Variants in IL9R observed in about 807,000 individuals in gnomAD.
The protein encoded by IL9R is interleukin 9 receptor, also known as interleukin-9 receptor.
A neutral mutation model predicts 56.3 loss-of-function variants in IL9R; 54 were observed. The ratio of observed to expected loss-of-function variants is 0.96; its 90% CI spans 0.77 to 1.20. The LOEUF (loss-of-function observed/expected upper bound fraction) is 1.20, where lower values mean the gene tolerates loss of function less well. Among genes scored for constraint, IL9R ranks in the 50% most tolerant of loss-of-function variants. The probability of loss-of-function intolerance (pLI) is 0.00; values close to 1 mark genes in which losing one functional copy is unlikely to be tolerated. For synonymous variants in IL9R, 212 were observed against 250.2 expected (o/e 0.85, Z 1.44); for missense variants, 545 against 629.8 (o/e 0.87, Z 1.44).
At position 156,010,020 on chromosome X, in the gene IL9R, C is replaced by T. The variant is rs1241145611; in HGVS notation, c.1177C>T (p.Leu393=). 11 of 1,554,246 alleles carry T rather than the reference C, an allele frequency of 7.1e-6. No homozygotes were observed. Among genetic ancestry groups the T allele is most frequent in the Non-Finnish European group, 9.5e-6 (11 of 1,152,962 alleles). ...GGGGAACCTGAGCTCAGAGGATGTG[C>T]TGCCAGCAGGGTGTACGGAGTGGAG... ...LPGNLSSEDV[L]PAGCTEWRVQ... The change falls in exon 9 of 9, where the codon CTG becomes TTG. Residue 393 remains leucine (L), a synonymous_variant. Coordinates refer to ENST00000244174, the MANE Select transcript of IL9R (RefSeq NM_002186.3).
intron 1 of IL9R, chrX:156,001,396 CCA>C (rs771390862): frequency 1.4e-5 from 22 of 1,585,738 alleles, no homozygotes; most frequent in Non-Finnish European, 3.5e-6. Context: ...TTCCCCATTC[CCA>C]CCTTTCCAGT....
intron 8 of IL9R, among the ~76,000 whole-genome samples, chrX:156,009,467 C>T (rs2124562987): frequency 6.7e-6 from 1 of 148,980 alleles, no homozygotes; most frequent in East Asian, 1.9e-4. Context: ...TGCCCAGTCT[C>T]TGCAGCTGCT....
rs780276371 is a variant in IL9R at position 156,005,356 on chromosome X, C to A, written c.658C>A (p.His220Asn). ...EAFELDPGFI[H>N]EARLRVQMAT... ...CTTTGAGCTGGACCCTGGCTTTATC[C>A]ATGAGGCCAGGCTGCGTGTCCAGAT... is the stretch of plus-strand genomic sequence containing the variant. The change falls in exon 6 of 9, where the codon CAT becomes AAT. Residue 220 changes from histidine to asparagine, a missense_variant. His to Asn is a moderately conservative substitution (Grantham distance 68, BLOSUM62 1). Transcript: ENST00000244174. 1 of 1,612,572 alleles carries A rather than the reference C, an allele frequency of 6.2e-7. No homozygotes were observed. The highest frequency in any genetic ancestry group is 8.5e-7 in the Non-Finnish European group (1 of 1,179,752).
chrX:156,003,633 G>T, intron 3 of IL9R, 44 bp from the exon 4 acceptor site: 3 of 1,612,060 alleles, frequency 1.9e-6, no homozygotes, highest in Non-Finnish European at 2.5e-6. Flanking sequence ...AGCTATGCCA[G>T]GACAGTGTAG....
chrX:155,998,642 G>A (rs2067300708), intron 1 of IL9R, among the ~76,000 whole-genome samples: 2 of 152,016 alleles, frequency 1.3e-5, no homozygotes, highest in Non-Finnish European at 2.9e-5. Flanking sequence ...GTGTCTTCAA[G>A]TAGCATCCCA....
chrX:156,009,834 G>A lies in IL9R; in HGVS notation c.991G>A (p.Gly331Arg), dbSNP rs142104921. Residue 331 changes from glycine to arginine, a missense_variant, in exon 9 of 9, where the codon GGG becomes AGG. Gly to Arg is a moderately radical substitution (Grantham distance 125). Around this residue, in one of 2 missense-constraint regions of IL9R, gnomAD observed 114 missense variants for 269.8 expected, o/e 0.42. Transcript: ENST00000244174. ...GTTCCAGACTTGGATGGGGGCCCACGGGGCCGGTGTGCTGTTGAGCCAGGA... is the reference window on the plus strand; with the variant it reads ...GTTCCAGACTTGGATGGGGGCCCACAGGGCCGGTGTGCTGTTGAGCCAGGA... The part of the protein sequence containing the change: ...GNFQTWMGAH[G>R]AGVLLSQDCA... 16,953 of 1,283,524 alleles carry A rather than the reference G, an allele frequency of 0.013. 2,010 individuals are homozygous for A. Among genetic ancestry groups the A allele is most frequent in the East Asian group, 0.12 (2,876 of 24,538 alleles). The allele number at this position is 1,283,524 out of a possible 1,614,324, so 79.5% of individuals were successfully genotyped here.
rs1164141726 is a variant in IL9R at position 156,003,534 on chromosome X, C to T, written c.228C>T (p.Gly76=). Residue 76 remains glycine (G), a synonymous_variant, in exon 3 of 9, where the codon GGC becomes GGT. Coordinates refer to ENST00000244174, the MANE Select transcript of IL9R (RefSeq NM_002186.3). ...GGTCTGCCCCAGAGCTGGGACAGGG[C>T]TCCAGCCCCTGGCTCCTCTTCACCA... The part of the protein sequence containing the change: ...CHWSAPELGQ[G]SSPWLLFTSN... 3.2e-5 allele frequency: 51 copies of T among 1,612,608 alleles called. No homozygotes were observed. Among genetic ancestry groups the T allele is most frequent in the Non-Finnish European group, 4.2e-5 (49 of 1,179,402 alleles).
intron 8 of IL9R, among the ~76,000 whole-genome samples, chrX:156,009,264 GTTTGTGTGTGTA>G (rs2068294279): frequency 1.1e-4 from 5 of 44,772 alleles, no homozygotes; most frequent in East Asian, 5.0e-4. Flanking sequence ...GTGTGTGTGT[GTTTGTGTGTGTA>G]TGTCTGTGTG....
At chrX:156,001,547 C>G in intron 1 of IL9R, 2 of 1,324,838 alleles carry the variant, frequency 1.5e-6, no homozygotes, top group Non-Finnish European at 1.1e-6. Flanking sequence ...AGGGGACTGT[C>G]CTATGGGTAC....
At chrX:156,001,464 G>T in intron 1 of IL9R, 1 of 1,610,082 alleles carries the variant, frequency 6.2e-7, no homozygotes, top group Non-Finnish European at 8.5e-7. Flanking sequence ...GGTGTTTCAT[G>T]CTGTGGCTGG....
At chrX:156,004,311 G>A in intron 4 of IL9R, 109 bp from the exon 5 acceptor site, 16 of 1,128,142 alleles carry the variant, frequency 1.4e-5, no homozygotes, top group Non-Finnish European at 2.0e-5. Flanking sequence ...GGTCTGAGAG[G>A]GCCTTGACCA....
chrX:156,011,448 AAG>A (rs2068441562), downstream of IL9R, among the ~76,000 whole-genome samples: 2 of 102,918 alleles, frequency 1.9e-5, 1 homozygote, highest in South Asian at 7.4e-4. Context: ...GTTTGGGCAG[AAG>A]AGAGACGGTG....
In IL9R at chrX:156,002,884, C is replaced by T. The variant is rs746713107; in HGVS notation, c.29-22C>T. 6 of 1,613,384 alleles carry T rather than the reference C, an allele frequency of 3.7e-6. No homozygotes were observed. In the South Asian group the frequency reaches 4.4e-5, roughly 12 times the overall value. On this transcript the variant is annotated intron_variant, in intron 1 of 8. Coordinates refer to ENST00000244174, the MANE Select transcript of IL9R (RefSeq NM_002186.3). The stretch of plus-strand genomic sequence containing the variant: ...CCAGAGAGGGATGATTTGCACAGGG[C>T]CCTCAGCCCAGTCCCTTGCAGGCTG...
At chrX:155,997,822 G>A (rs746434640) in intron 1 of IL9R, 35 bp downstream of exon 1, 2 of 1,599,328 alleles carry the variant, frequency 1.3e-6, no homozygotes, top group South Asian at 1.1e-5. Context: ...AACCTCTCAA[G>A]TCAGCATGAA....
chrX:156,006,493 C>T (rs1417497789), intron 7 of IL9R, among the ~76,000 whole-genome samples: 14 of 150,736 alleles, frequency 9.3e-5, no homozygotes, highest in Admixed American at 9.2e-4. Flanking sequence ...CCCAGAGTCA[C>T]CGAGATCAAG....
chrX:156,005,279 A>G lies in IL9R; in HGVS notation c.581A>G (p.Gln194Arg), dbSNP rs1569474270. The change falls in exon 6 of 9, where the codon CAG becomes CGG. Residue 194 changes from glutamine (Q) to arginine (R), a missense_variant and splice_region_variant. By Grantham distance (43) the Gln-to-Arg change is conservative. Transcript: ENST00000244174. ...TGCTAACTGTCCCCACCCCCACAGC[A>G]GGCCCAGCACAGGGATCACATTGTC... Reference protein sequence around the residue: ...AFKKQEEAWEQAQHRDHIVGV... With the variant: ...AFKKQEEAWERAQHRDHIVGV... 5.6e-6 allele frequency: 9 copies of G among 1,611,936 alleles called. No individual in the cohort carries two copies. Among genetic ancestry groups the G allele is most frequent in the East Asian group, 2.2e-5 (1 of 44,884 alleles).
At chrX:156,003,600 G>A (rs752268036) in intron 3 of IL9R, 40 bp downstream of exon 3, 1 of 1,609,216 alleles carries the variant, frequency 6.2e-7, no homozygotes, top group South Asian at 1.1e-5. Context: ...CAGGGATGAG[G>A]GTGAGTTCCC....
At chrX:156,001,005 G>C (rs2067483682) in intron 1 of IL9R, among the ~76,000 whole-genome samples, 1 of 152,134 alleles carries the variant, frequency 6.6e-6, no homozygotes, top group African/African-American at 2.4e-5. Context: ...TAAGTTTTCA[G>C]TGCAGAGGAA....
rs780259444 is a variant in IL9R at position 156,009,907 on chromosome X, C to A, written c.1064C>A (p.Ala355Asp). ...GCCTTGGAGCCCTGCGTCCAGGAGG[C>A]CACTGCACTGCTCACTTGTGGCCCA... ...QGALEPCVQE[A>D]TALLTCGPAR... The change falls in exon 9 of 9, where the codon GCC becomes GAC. Residue 355 changes from alanine to aspartate, a missense_variant. By Grantham distance (126) the Ala-to-Asp change is moderately radical (BLOSUM62 -2). Transcript: ENST00000244174. 50 of 1,548,518 alleles carry A rather than the reference C, an allele frequency of 3.2e-5. 3 individuals are homozygous for A. The highest frequency in any genetic ancestry group is 4.1e-5 in the Non-Finnish European group (47 of 1,156,830).
Sources: gnomAD v4.1 joint callset for allele counts (sites outside exome capture counted in the v4.1 genomes callset) on GRCh38, gnomAD v4.1.1 for gene constraint, gnomAD v4.1.1 regional missense constraint, MANE v1.5 for transcripts, NCBI Gene and HGNC (gene_info 2026-07-23, HGNC 2026-07-21) for gene names.